Variants in PPP2R1B observed in about 807,000 individuals in gnomAD.
PPP2R1B encodes protein phosphatase 2 scaffold subunit Abeta, also known as serine/threonine-protein phosphatase 2A 65 kDa regulatory subunit A beta isoform.
In PPP2R1B, 58 loss-of-function variants were observed where a neutral mutation model predicts 72.7. That is an observed-to-expected ratio of 0.80 (90% CI 0.65 to 0.99). PPP2R1B has a LOEUF of 0.99. Among genes scored for constraint, PPP2R1B ranks in the 50% least tolerant of loss-of-function variants. The probability of loss-of-function intolerance (pLI) is 0.00; values close to 1 mark genes in which losing one functional copy is unlikely to be tolerated. For missense variants in PPP2R1B, 695 were observed against 733.6 expected, an observed-to-expected ratio of 0.95 and a Z score of 0.61; for synonymous variants, 256 against 264.6, an observed-to-expected ratio of 0.97 and a Z score of 0.32.
chr11:111,745,410 G>T (rs1944673531), intron 11 of PPP2R1B, among the ~76,000 whole-genome samples: 1 of 152,072 alleles, frequency 6.6e-6, no homozygotes, highest in Admixed American at 6.6e-5. Context: ...ACCATAGGAA[G>T]GGATCTCTAC....
chr11:111,747,639 G>A (rs892444355), intron 11 of PPP2R1B, among the ~76,000 whole-genome samples: 1 of 152,164 alleles, frequency 6.6e-6, no homozygotes. Flanking sequence ...CCAATTACAG[G>A]ATGGTCAAAA....
rs1555053244 is a variant in PPP2R1B, at chr11:111,766,356, C to A, written c.6G>T (p.Ala2=). The change falls in exon 1 of 15, where the codon GCG becomes GCT. Residue 2 remains alanine, a synonymous_variant. Transcript: ENST00000527614. Reference sequence around the variant, plus strand: ...GGCCGGTCCCGAGCTCTGATGCGCCCGCCATGTTCTTTCTCCTCCTGCTGC... The same window carrying A: ...GGCCGGTCCCGAGCTCTGATGCGCCAGCCATGTTCTTTCTCCTCCTGCTGC... M[A]GASELGTGPG... 6.4e-7 allele frequency: 1 copy of A among 1,570,054 alleles called. No homozygotes were observed.
chr11:111,715,904 C>T, the PPP2R1B span, among the ~76,000 whole-genome samples: 7 of 146,168 alleles, frequency 4.8e-5, no homozygotes, highest in East Asian at 1.4e-3. Context: ...CGGGTTCAAG[C>T]GATTCTCCTG....
rs782234471 is a variant in PPP2R1B, at chr11:111,760,960, G to A, written c.398C>T (p.Pro133Leu). Residue 133 changes from proline to leucine, a missense_variant, in exon 4 of 15, where the codon CCT (proline) becomes CTT (leucine). By Grantham distance (98) the Pro-to-Leu change is moderately conservative (BLOSUM62 -3). Coordinates refer to ENST00000527614, the MANE Select transcript of PPP2R1B (RefSeq NM_002716.5). ...SLRQISQEHT[P>L]VALEAYFVPL... is the part of the protein sequence containing the mutation. ...TACAAAATAAGCTTCCAGAGCAACAGGAGTATGCTCCTGGGAGATCTGTCT... is the reference window on the plus strand; with the variant it reads ...TACAAAATAAGCTTCCAGAGCAACAAGAGTATGCTCCTGGGAGATCTGTCT... 4.3e-6 allele frequency: 7 copies of A among 1,614,110 alleles called. No individual in the cohort carries two copies. In the East Asian group the frequency reaches 1.1e-4, roughly 26 times the overall value.
At position 111,761,009 on chromosome 11, in the gene PPP2R1B, G is replaced by A. The variant is rs782083920; in HGVS notation, c.349C>T (p.Arg117Cys). 2.0e-5 allele frequency: 33 copies of A among 1,614,106 alleles called. No homozygotes were observed. The East Asian group carries it at 4.2e-4, about 21-fold the overall frequency. Residue 117 changes from arginine to cysteine, a missense_variant, in exon 4 of 15, where the codon CGT becomes TGT. Arg to Cys is a radical substitution (Grantham distance 180). Coordinates refer to ENST00000527614, the MANE Select transcript of PPP2R1B (RefSeq NM_002716.5). The stretch of plus-strand genomic sequence containing the variant: ...CTCAGGGACTCCACAGCCTTGTCAC[G>A]AACAACAGTCTCTTCCACAGTTGCC... The part of the protein sequence containing the change: ...NLATVEETVV[R>C]DKAVESLRQI...
At position 111,741,539 on chromosome 11, in the gene PPP2R1B, A is replaced by T; in HGVS notation, c.*57T>A. On this transcript the variant is annotated 3_prime_UTR_variant, in exon 15 of 15. Coordinates refer to ENST00000527614, the MANE Select transcript of PPP2R1B (RefSeq NM_002716.5). ...TCTTTCTCCACCCAGTTAAGAACAC[A>T]TTGACTAGAAATTTGTGACAAGAAT... The T allele has an allele frequency of 6.2e-7, 1 of 1,604,192 alleles. No individual in the cohort carries two copies. Among genetic ancestry groups the T allele is most frequent in the East Asian group, 2.2e-5 (1 of 44,780 alleles).
chr11:111,719,367 T>C, the PPP2R1B span, among the ~76,000 whole-genome samples: 1 of 149,686 alleles, frequency 6.7e-6, no homozygotes, highest in Non-Finnish European at 1.5e-5. Context: ...TTTTTTTTTT[T>C]TTTTTTTTAG....
rs1945046922 is a variant in PPP2R1B at position 111,754,974 on chromosome 11, CTTAACCT to C, written c.957_958+5del. 6.3e-7 allele frequency: 1 copy of C among 1,597,314 alleles called. No homozygotes were observed. On this transcript the variant is annotated splice_donor_variant and splice_donor_5th_base_variant and coding_sequence_variant and intron_variant, in exon 7 of 15. Coordinates refer to ENST00000527614, the MANE Select transcript of PPP2R1B (RefSeq NM_002716.5). LOFTEE classifies it high-confidence loss of function. ...ACATGTTCCAACATAAATTGAACTCCTTAACCTTTTACTTTGTGGGCAGCAGCTGCCC... is the reference window on the plus strand; with the variant it reads ...ACATGTTCCAACATAAATTGAACTCCTTTACTTTGTGGGCAGCAGCTGCCC...
Position 111,754,522 on chromosome 11 carries a change from T to G in PPP2R1B, c.1006A>C (p.Asn336His), listed in dbSNP as rs1466797229. 1.0e-5 allele frequency: 16 copies of G among 1,602,912 alleles called. No homozygotes were observed. The Admixed American group carries it at 1.9e-4, about 19-fold the overall frequency. Reference sequence around the variant, plus strand: ...ACCTTTATATAAGGCAGAATTTGATTCATAATTATGGTCTCTCTATCTTCA... The same window carrying G: ...ACCTTTATATAAGGCAGAATTTGATGCATAATTATGGTCTCTCTATCTTCA... ...PIEDRETIIMNQILPYIKELV... is the reference protein window; with the variant it reads ...PIEDRETIIMHQILPYIKELV... The change falls in exon 8 of 15, where the codon AAT (asparagine) becomes CAT (histidine). Residue 336 changes from asparagine to histidine, a missense_variant. Physicochemically the swap from Asn to His is moderately conservative, Grantham distance 68. Coordinates refer to ENST00000527614, the MANE Select transcript of PPP2R1B (RefSeq NM_002716.5).
At chr11:111,747,196 G>A (rs1456404905) in intron 11 of PPP2R1B, among the ~76,000 whole-genome samples, 4 of 152,164 alleles carry the variant, frequency 2.6e-5, no homozygotes, top group East Asian at 1.9e-4. Flanking sequence ...CACACTCATC[G>A]AAACAGGTCT....
chr11:111,758,578 G>A (rs1239004526), intron 5 of PPP2R1B, among the ~76,000 whole-genome samples: 2 of 151,946 alleles, frequency 1.3e-5, no homozygotes, highest in African/African-American at 4.8e-5. Context: ...GACAGAGTGA[G>A]ACTCCTTTTA....
downstream of PPP2R1B, chr11:111,737,563 G>A: frequency 6.2e-7 from 1 of 1,614,230 alleles, no homozygotes; most frequent in Non-Finnish European, 8.5e-7. Flanking sequence ...CAGCCTTTGT[G>A]CCACCACTAG....
intron 10 of PPP2R1B, among the ~76,000 whole-genome samples, chr11:111,749,090 C>A (rs952103491): frequency 6.6e-6 from 1 of 152,124 alleles, no homozygotes; most frequent in Non-Finnish European, 1.5e-5. Context: ...GATGATCCGT[C>A]CGCCTCAGCC....
the PPP2R1B span, among the ~76,000 whole-genome samples, chr11:111,711,468 G>A: frequency 6.6e-6 from 1 of 152,196 alleles, no homozygotes; most frequent in Non-Finnish European, 1.5e-5. Flanking sequence ...TTTCCCTAGA[G>A]TAGTTAACAA....
chr11:111,724,131 C>G (rs1483726588), downstream of PPP2R1B: 54 of 1,605,482 alleles, frequency 3.4e-5, no homozygotes, highest in Admixed American at 8.8e-4. Context: ...GTGAATTAGT[C>G]TCAGCACAGG....
At chr11:111,757,125 A>C (rs1945151546) in intron 5 of PPP2R1B, among the ~76,000 whole-genome samples, 1 of 152,050 alleles carries the variant, frequency 6.6e-6, no homozygotes, top group African/African-American at 2.4e-5. Context: ...AAAAAAAAAA[A>C]ACACCGAAAA....
At chr11:111,712,290 C>T in the PPP2R1B span, 2 of 1,614,214 alleles carry the variant, frequency 1.2e-6, no homozygotes, top group Non-Finnish European at 1.7e-6. Context: ...CCCCAGGCAT[C>T]CAACGTGGAG....
At chr11:111,720,951 T>C in the PPP2R1B span, 2 of 1,614,136 alleles carry the variant, frequency 1.2e-6, no homozygotes, top group African/African-American at 1.3e-5. Context: ...CCAAAGGAAT[T>C]CTAGAGTTGA....
intron 13 of PPP2R1B, 134 bp downstream of exon 13, chr11:111,742,389 A>C: frequency 9.4e-7 from 1 of 1,064,228 alleles, no homozygotes; most frequent in Non-Finnish European, 1.3e-6. Context: ...ATAGTTGCTA[A>C]ATTATTTTCT....
Sources: allele counts gnomAD v4.1 joint callset (sites outside exome capture counted in the v4.1 genomes callset), GRCh38; gene constraint gnomAD v4.1.1; transcripts MANE v1.5; gene names NCBI Gene and HGNC (gene_info 2026-07-23, HGNC 2026-07-21).